SERGEF: variants seen among roughly 807,000 people sequenced by gnomAD.
SERGEF encodes the protein secretion regulating guanine nucleotide exchange factor.
Under a neutral mutation model 50.0 loss-of-function variants are expected in SERGEF, and 51 were observed. The ratio of observed to expected loss-of-function variants is 1.02; its 90% CI spans 0.81 to 1.29. SERGEF has a LOEUF of 1.29. Among genes scored for constraint, SERGEF ranks in the 50% most tolerant of loss-of-function variants. The probability of loss-of-function intolerance (pLI) is 0.00; values close to 1 mark genes in which losing one functional copy is unlikely to be tolerated. For synonymous variants in SERGEF, 205 were observed against 212.4 expected, an observed-to-expected ratio of 0.97 and a Z score of 0.30; for missense variants, 521 against 557.0, an observed-to-expected ratio of 0.94 and a Z score of 0.65.
rs1286311704 is a variant in SERGEF, at chr11:17,788,069, T to G, written c.*16A>C. 2 of 1,502,796 alleles carry G rather than the reference T, an allele frequency of 1.3e-6. No individual in the cohort carries two copies. The highest frequency in any genetic ancestry group is 4.6e-5 in the East Asian group (2 of 43,566). The allele number at this position is 1,502,796 out of a possible 1,614,324, so 93.1% of individuals were successfully genotyped here. On this transcript the variant is annotated 3_prime_UTR_variant, in exon 11 of 11. Transcript: ENST00000265965. ...AGGCTTTTGGTGGGAAAAGCCACTT[T>G]ATTAAAGATTCTCTATCACAGTCCC...
At chr11:17,933,633 C>T (rs1026227205) in intron 9 of SERGEF, among the ~76,000 whole-genome samples, 5 of 151,502 alleles carry the variant, frequency 3.3e-5, no homozygotes, top group Non-Finnish European at 5.9e-5. Context: ...TACTATGAGA[C>T]AGTATCTATA....
intron 10 of SERGEF, among the ~76,000 whole-genome samples, chr11:17,808,273 A>C (rs1251729983): frequency 6.6e-6 from 1 of 152,206 alleles, no homozygotes; most frequent in East Asian, 1.9e-4. Flanking sequence ...AAAGAGGTTT[A>C]ATTGGCTCAC....
At position 17,992,999 on chromosome 11, in the gene SERGEF, A is replaced by G; in HGVS notation, c.623-6T>C. 6.2e-7 allele frequency: 1 copy of G among 1,613,250 alleles called. No individual in the cohort carries two copies. The highest frequency in any genetic ancestry group is 2.2e-5 in the East Asian group (1 of 44,878). ...TGCTTTAGAATTCTCTAGACCTACA[A>G]AAGAAAAAATGTTCTTCTGAATTAC... On this transcript the variant is annotated splice_polypyrimidine_tract_variant and splice_region_variant and intron_variant, in intron 6 of 10. Transcript: ENST00000265965.
chr11:17,875,249 A>C (rs1851219382), intron 10 of SERGEF, among the ~76,000 whole-genome samples: 1 of 152,252 alleles, frequency 6.6e-6, no homozygotes, highest in Non-Finnish European at 1.5e-5. Flanking sequence ...TATTGCTGTA[A>C]CCGTAGGACC....
chr11:17,793,717 G>A (rs754714878), intron 10 of SERGEF, among the ~76,000 whole-genome samples: 18 of 152,362 alleles, frequency 1.2e-4, no homozygotes, highest in Admixed American at 9.1e-4. Context: ...CCTGGTTGAC[G>A]GAGATCTGCT....
At chr11:17,851,865 C>T (rs896259144) in intron 10 of SERGEF, among the ~76,000 whole-genome samples, 1 of 152,208 alleles carries the variant, frequency 6.6e-6, no homozygotes, top group African/African-American at 2.4e-5. Flanking sequence ...ACCCCACCCC[C>T]ACTGCTTACA....
intron 10 of SERGEF, among the ~76,000 whole-genome samples, chr11:17,836,117 G>A (rs1241614645): frequency 6.6e-6 from 1 of 152,192 alleles, no homozygotes. Context: ...CACATACCAT[G>A]TGCCAAGTTT....
chr11:17,850,506 A>T (rs1850691909), intron 10 of SERGEF, among the ~76,000 whole-genome samples: 1 of 152,222 alleles, frequency 6.6e-6, no homozygotes, highest in South Asian at 2.1e-4. Flanking sequence ...ACAACTGATC[A>T]TTCTGGTGAT....
intron 4 of SERGEF, chr11:18,002,091 C>G: frequency 2.2e-6 from 1 of 452,492 alleles, no homozygotes; most frequent in Non-Finnish European, 4.4e-6. Context: ...CATTAGCTTA[C>G]GAGAAGATCA....
chr11:17,979,627 C>A (rs952449174), intron 8 of SERGEF, among the ~76,000 whole-genome samples: 1 of 152,158 alleles, frequency 6.6e-6, no homozygotes, highest in Admixed American at 6.5e-5. Context: ...ACAAGTAGAT[C>A]CTTTAGGTTT....
chr11:17,832,187 T>C (rs539974151), intron 10 of SERGEF, among the ~76,000 whole-genome samples: 1 of 152,324 alleles, frequency 6.6e-6, no homozygotes, highest in South Asian at 2.1e-4. Flanking sequence ...CCATACGTTG[T>C]GGGAGGGACC....
rs190429661 is a variant in SERGEF, at chr11:17,899,936, T to C, written c.1012-21692A>G. Among the ~76,000 whole-genome samples, 6 of 151,384 alleles carry C rather than the reference T, an allele frequency of 4.0e-5. No homozygotes were observed. In the East Asian group the frequency reaches 9.7e-4, roughly 24 times the overall value. ...GCATGACTACACTCCAGCCTGAATT[T>C]TGAGACTCTTGCCTCCAAAAAAAAA... On this transcript the variant is annotated intron_variant, in intron 9 of 10. Coordinates refer to ENST00000265965, the MANE Select transcript of SERGEF (RefSeq NM_012139.4).
chr11:17,875,311 T>G (rs567817656), intron 10 of SERGEF, among the ~76,000 whole-genome samples: 2 of 152,332 alleles, frequency 1.3e-5, no homozygotes, highest in African/African-American at 4.8e-5. Context: ...AGAGCCAAAG[T>G]TACCTGGCAT....
At chr11:17,793,812 C>T (rs1849527198) in intron 10 of SERGEF, among the ~76,000 whole-genome samples, 1 of 152,216 alleles carries the variant, frequency 6.6e-6, no homozygotes, top group Admixed American at 6.5e-5. Flanking sequence ...GGAGTTCAGG[C>T]CTCCTGCTCA....
At chr11:17,792,260 C>T (rs1009966586) in intron 10 of SERGEF, among the ~76,000 whole-genome samples, 1 of 152,242 alleles carries the variant, frequency 6.6e-6, no homozygotes. Context: ...GGATGAACCC[C>T]AGGCCACATC....
chr11:17,871,696 C>T (rs1433771460), intron 10 of SERGEF, among the ~76,000 whole-genome samples: 1 of 152,124 alleles, frequency 6.6e-6, no homozygotes. Flanking sequence ...TAAAAAGGTA[C>T]TCCACATCAT....
chr11:17,807,358 C>T, intron 10 of SERGEF, among the ~76,000 whole-genome samples: 1 of 152,222 alleles, frequency 6.6e-6, no homozygotes, highest in South Asian at 2.1e-4. Context: ...TCACCAAAAC[C>T]CATGCAACAA....
intron 9 of SERGEF, among the ~76,000 whole-genome samples, chr11:17,916,398 G>C (rs1168266533): frequency 6.6e-6 from 1 of 152,198 alleles, no homozygotes; most frequent in East Asian, 1.9e-4. Context: ...GTTGGACATA[G>C]ATGAAAGAGA....
At chr11:17,832,680 T>C (rs1342173624) in intron 10 of SERGEF, among the ~76,000 whole-genome samples, 1 of 152,192 alleles carries the variant, frequency 6.6e-6, no homozygotes, top group Non-Finnish European at 1.5e-5. Flanking sequence ...ATCAAAATGC[T>C]GATAATGATA....
Sources: allele counts gnomAD v4.1 joint callset (sites outside exome capture counted in the v4.1 genomes callset), GRCh38; gene constraint gnomAD v4.1.1; transcripts MANE v1.5; gene names NCBI Gene and HGNC (gene_info 2026-07-23, HGNC 2026-07-21).